The following PROS1 variants were observed in gnomAD, a reference collection of about 807,000 sequenced individuals.
PROS1 encodes the protein protein S, also known as vitamin K-dependent protein S.
PROS1 carries 29 observed loss-of-function variants against 75.9 expected under a neutral mutation model. The observed-to-expected ratio is 0.38, with a 90% CI of 0.28 to 0.52. PROS1 has a LOEUF of 0.52. Ranked by LOEUF, PROS1 falls within the 20% of genes least tolerant of loss-of-function variation. PROS1 has a pLI of 0.83. For missense variants in PROS1, 680 were observed against 810.3 expected (o/e 0.84, Z 1.95); for synonymous variants, 245 against 280.6 (o/e 0.87, Z 1.27).
chr3:93,904,146 C>T (rs1275302041), intron 6 of PROS1, among the ~76,000 whole-genome samples: 1 of 151,992 alleles, frequency 6.6e-6, no homozygotes, highest in Non-Finnish European at 1.5e-5. Context: ...GACATGAACT[C>T]ATCATTTTTT....
chr3:93,917,021 C>T (rs1422446166), intron 3 of PROS1, among the ~76,000 whole-genome samples: 2 of 152,036 alleles, frequency 1.3e-5, no homozygotes, highest in African/African-American at 4.8e-5. Context: ...TACTTTATAC[C>T]CCTCTGTCTT....
chr3:93,964,824 CCT>C (rs1226226101), intron 1 of PROS1, among the ~76,000 whole-genome samples: 1 of 152,118 alleles, frequency 6.6e-6, no homozygotes, highest in Non-Finnish European at 1.5e-5. Context: ...CTGTAAAATT[CCT>C]CTCTTTGTAC....
At chr3:93,932,064 G>A (rs1339549827) in intron 1 of PROS1, among the ~76,000 whole-genome samples, 1 of 152,174 alleles carries the variant, frequency 6.6e-6, no homozygotes, top group African/African-American at 2.4e-5. Flanking sequence ...GATGAGACAA[G>A]CATGGGGTTT....
chr3:93,939,724 C>A (rs569179525), intron 1 of PROS1, among the ~76,000 whole-genome samples: 115 of 152,056 alleles, frequency 7.6e-4, no homozygotes, highest in African/African-American at 2.7e-3. Context: ...CAGTTTATGG[C>A]TTGTTTAGCA....
intron 4 of PROS1, 107 bp from the exon 5 acceptor site, chr3:93,906,250 A>G: frequency 5.1e-6 from 6 of 1,185,112 alleles, no homozygotes; most frequent in Non-Finnish European, 7.3e-6. Context: ...TGAAAAAAAA[A>G]CACACAACTC....
intron 11 of PROS1, among the ~76,000 whole-genome samples, chr3:93,885,398 GT>G (rs1428598739): frequency 2.6e-5 from 4 of 151,976 alleles, no homozygotes; most frequent in Admixed American, 1.3e-4. Context: ...GCTAATTTTT[GT>G]ACTTTTAGTA....
intron 1 of PROS1, among the ~76,000 whole-genome samples, chr3:93,937,991 A>G (rs1457897421): frequency 6.6e-6 from 1 of 152,146 alleles, no homozygotes; most frequent in African/African-American, 2.4e-5. Context: ...AAGCAGAGGG[A>G]TTAATTTGAA....
chr3:93,920,270 T>TAAAA (rs1708927583), intron 3 of PROS1, among the ~76,000 whole-genome samples: 1 of 152,038 alleles, frequency 6.6e-6, no homozygotes, highest in Non-Finnish European at 1.5e-5. Context: ...TAAAATCAAT[T>TAAAA]TGAGGAGAAC....
chr3:93,893,179 A>T (rs1708457742), intron 9 of PROS1, 57 bp from the exon 10 acceptor site: 1 of 1,456,354 alleles, frequency 6.9e-7, no homozygotes, highest in African/African-American at 1.4e-5. Flanking sequence ...AGCTCAATGC[A>T]TTATTCTTTT....
At chr3:93,887,960 C>T (rs1200307878) in intron 10 of PROS1, among the ~76,000 whole-genome samples, 3 of 152,120 alleles carry the variant, frequency 2.0e-5, no homozygotes, top group Non-Finnish European at 4.4e-5. Flanking sequence ...GCTAGTCATG[C>T]AGAATTAATA....
intron 6 of PROS1, among the ~76,000 whole-genome samples, chr3:93,901,953 T>A (rs1410353297): frequency 6.6e-6 from 1 of 152,210 alleles, no homozygotes; most frequent in Non-Finnish European, 1.5e-5. Context: ...AAAAACTCTA[T>A]GTTTTTGAAA....
At chr3:93,972,973 C>G (rs1458301660) in intron 1 of PROS1, among the ~76,000 whole-genome samples, 2 of 152,130 alleles carry the variant, frequency 1.3e-5, no homozygotes, top group Non-Finnish European at 2.9e-5. Flanking sequence ...AGAGAAAACT[C>G]AATATCCTGT....
chr3:93,881,035 G>C (rs1708269368), intron 12 of PROS1, among the ~76,000 whole-genome samples: 1 of 152,078 alleles, frequency 6.6e-6, no homozygotes, highest in Non-Finnish European at 1.5e-5. Context: ...TAAAAATACA[G>C]TAAAAAAGGC....
At chr3:93,903,372 T>C (rs2107166756) in intron 6 of PROS1, among the ~76,000 whole-genome samples, 1 of 152,278 alleles carries the variant, frequency 6.6e-6, no homozygotes, top group South Asian at 2.1e-4. Flanking sequence ...TTTTAAAAAG[T>C]CACAAATTTG....
intron 14 of PROS1, among the ~76,000 whole-genome samples, chr3:93,875,442 C>T (rs1708168179): frequency 6.6e-6 from 1 of 152,068 alleles, no homozygotes; most frequent in Admixed American, 6.6e-5. Context: ...AGTGCTGTTG[C>T]CAAAATCCCG....
chr3:93,876,587 T>TAA (rs1708191427), intron 14 of PROS1, among the ~76,000 whole-genome samples: 1 of 11,366 alleles, frequency 8.8e-5, no homozygotes, highest in South Asian at 2.3e-3. Flanking sequence ...AGACTCCATC[T>TAA]CAAAAAAAAA....
chr3:93,887,668 T>A (rs1339259568), intron 10 of PROS1, among the ~76,000 whole-genome samples: 1 of 152,198 alleles, frequency 6.6e-6, no homozygotes, highest in Non-Finnish European at 1.5e-5. Flanking sequence ...TATTCTCTCC[T>A]TTACAGACTT....
At chr3:93,966,626 C>A (rs1169665656) in intron 1 of PROS1, among the ~76,000 whole-genome samples, 1 of 152,112 alleles carries the variant, frequency 6.6e-6, no homozygotes, top group African/African-American at 2.4e-5. Context: ...CACCTGTAAT[C>A]CCAGCACTTT....
chr3:93,899,958 A>G (rs1559933650), intron 7 of PROS1, among the ~76,000 whole-genome samples: 1 of 152,194 alleles, frequency 6.6e-6, no homozygotes, highest in Non-Finnish European at 1.5e-5. Context: ...TAGCCCCTAA[A>G]TCTATTTTTT....
Sources: allele counts gnomAD v4.1 joint callset (sites outside exome capture counted in the v4.1 genomes callset), GRCh38; gene constraint gnomAD v4.1.1; transcripts MANE v1.5; gene names NCBI Gene and HGNC (gene_info 2026-07-23, HGNC 2026-07-21).